Variants in PCDH9 observed in about 807,000 individuals in gnomAD.
PCDH9 encodes the protein protocadherin 9.
In PCDH9, 24 loss-of-function variants were observed where a neutral mutation model predicts 70.6. The observed-to-expected ratio is 0.34, with a 90% CI of 0.25 to 0.48. PCDH9 has a LOEUF of 0.48. Ranked by LOEUF, PCDH9 falls within the 20% of genes least tolerant of loss-of-function variation. The pLI is 0.99. For missense variants in PCDH9, 1,281 were observed against 1,503.6 expected, an observed-to-expected ratio of 0.85 and a Z score of 2.45; for synonymous variants, 562 against 558.5, an observed-to-expected ratio of 1.01 and a Z score of -0.09.
At chr13:66,593,748 T>C (rs2077066581) in intron 4 of PCDH9, among the ~76,000 whole-genome samples, 2 of 151,688 alleles carry the variant, frequency 1.3e-5, no homozygotes, top group East Asian at 1.9e-4. Context: ...AAATATATGT[T>C]TGTATTTGAA....
At chr13:66,356,240 A>G (rs1256844439) in intron 4 of PCDH9, among the ~76,000 whole-genome samples, 3 of 152,200 alleles carry the variant, frequency 2.0e-5, no homozygotes, top group Admixed American at 6.6e-5. Context: ...TTAAAATCAT[A>G]TAAAATGGAA....
chr13:66,481,787 T>C (rs988329014), intron 4 of PCDH9, among the ~76,000 whole-genome samples: 1 of 152,174 alleles, frequency 6.6e-6, no homozygotes, highest in African/African-American at 2.4e-5. Context: ...TAATTGACAA[T>C]TATTTTCTCT....
At chr13:67,117,283 A>G (rs532389303) in intron 2 of PCDH9, among the ~76,000 whole-genome samples, 61 of 152,230 alleles carry the variant, frequency 4.0e-4, no homozygotes, top group African/African-American at 1.5e-3. Context: ...GAGAGTAGGG[A>G]ATTAATTGTG....
intron 3 of PCDH9, among the ~76,000 whole-genome samples, chr13:66,896,553 A>C (rs139684204): frequency 6.9e-4 from 104 of 151,594 alleles, no homozygotes; most frequent in African/African-American, 2.5e-3. Flanking sequence ...GTTATGTATA[A>C]TAATTTCTAT....
chr13:67,058,077 C>T (rs927624230), intron 2 of PCDH9, among the ~76,000 whole-genome samples: 11 of 152,010 alleles, frequency 7.2e-5, no homozygotes, highest in Non-Finnish European at 1.2e-4. Flanking sequence ...AGTTCTTATA[C>T]GTTATATTAT....
intron 2 of PCDH9, among the ~76,000 whole-genome samples, chr13:66,948,306 A>G (rs879305833): frequency 2.0e-5 from 3 of 152,130 alleles, no homozygotes; most frequent in Non-Finnish European, 4.4e-5. Flanking sequence ...GTAGGAATTT[A>G]ATAGATAGCT....
intron 4 of PCDH9, among the ~76,000 whole-genome samples, chr13:66,443,582 C>T (rs977372250): frequency 2.0e-5 from 3 of 151,762 alleles, no homozygotes; most frequent in Non-Finnish European, 4.4e-5. Flanking sequence ...TTTTTCAACT[C>T]TTGAAATGTA....
At chr13:67,110,371 C>CG (rs67060114) in intron 2 of PCDH9, among the ~76,000 whole-genome samples, 18,453 of 151,582 alleles carry the variant, frequency 0.12, 1,198 homozygotes, top group African/African-American at 0.15. Flanking sequence ...AAAAATTAGC[C>CG]GGGGTGGCAG....
intron 3 of PCDH9, among the ~76,000 whole-genome samples, chr13:66,850,842 G>A (rs1287885416): frequency 2.6e-5 from 4 of 152,076 alleles, no homozygotes; most frequent in Admixed American, 2.0e-4. Flanking sequence ...TTGAAAATAC[G>A]CCCAGCTGAT....
Position 67,170,540 on chromosome 13 carries a change from T to A in PCDH9, c.3036+54865A>T, listed in dbSNP as rs914896927. ...AAGGAGATTCTATGAAAGACCATCC[T>A]ATAAGAATTAAACTTTTGCCATATA... On this transcript the variant is annotated intron_variant, in intron 2 of 4. Coordinates refer to ENST00000377865, the MANE Select transcript of PCDH9 (RefSeq NM_203487.3). 7.9e-5 allele frequency among the ~76,000 whole-genome samples: 12 copies of A among 151,688 alleles called. 1 individual carries two copies. The Admixed American group carries it at 8.1e-4, about 10-fold the overall frequency.
intron 4 of PCDH9, among the ~76,000 whole-genome samples, chr13:66,387,485 G>C (rs967511951): frequency 1.3e-5 from 2 of 151,010 alleles, no homozygotes; most frequent in Admixed American, 1.3e-4. Flanking sequence ...GAACGGCTTG[G>C]TGCCATTCTC....
At chr13:66,325,491 T>C (rs954221971) in intron 4 of PCDH9, among the ~76,000 whole-genome samples, 2 of 152,086 alleles carry the variant, frequency 1.3e-5, no homozygotes, top group Admixed American at 1.3e-4. Flanking sequence ...AGAGTTAAAC[T>C]ATGTCAGCCT....
chr13:67,187,569 C>G (rs752276904), intron 2 of PCDH9, among the ~76,000 whole-genome samples: 27 of 152,108 alleles, frequency 1.8e-4, no homozygotes, highest in African/African-American at 2.9e-4. Context: ...ACATTTTATA[C>G]AACTCTATAC....
Position 67,228,484 on chromosome 13 carries a change from G to A in PCDH9, c.-44C>T. ...TTTTCCTGGATTTTAGGGTTTAAAG[G>A]TTTCCACTGAGGAATGATGCACAAA... On this transcript the variant is annotated 5_prime_UTR_variant, in exon 2 of 5. Coordinates refer to ENST00000377865, the MANE Select transcript of PCDH9 (RefSeq NM_203487.3). The A allele has an allele frequency of 1.3e-6, 2 of 1,491,134 alleles. No homozygotes were observed. The highest frequency in any genetic ancestry group is 1.8e-6 in the Non-Finnish European group (2 of 1,111,462). The allele number at this position is 1,491,134 out of a possible 1,614,324, so 92.4% of individuals were successfully genotyped here. A position where few individuals can be genotyped will look rare whatever the true frequency, so the allele number is the denominator to read the frequency against.
At chr13:66,562,736 G>T (rs1026920003) in intron 4 of PCDH9, among the ~76,000 whole-genome samples, 1 of 152,120 alleles carries the variant, frequency 6.6e-6, no homozygotes, top group Non-Finnish European at 1.5e-5. Context: ...CAGCCAAATG[G>T]TATCAATGCC....
At chr13:66,419,744 G>GAGCT (rs1957528846) in intron 4 of PCDH9, among the ~76,000 whole-genome samples, 1 of 150,878 alleles carries the variant, frequency 6.6e-6, no homozygotes, top group Admixed American at 6.6e-5. Flanking sequence ...GGCAGACACT[G>GAGCT]AGCTAGCTAG....
intron 2 of PCDH9, among the ~76,000 whole-genome samples, chr13:67,116,429 T>A (rs993958126): frequency 6.6e-6 from 1 of 152,172 alleles, no homozygotes; most frequent in Non-Finnish European, 1.5e-5. Context: ...TTCAAAATGT[T>A]TATCCAGTCA....
At chr13:66,977,113 A>G (rs1259572051) in intron 2 of PCDH9, among the ~76,000 whole-genome samples, 2 of 152,102 alleles carry the variant, frequency 1.3e-5, no homozygotes, top group South Asian at 2.1e-4. Context: ...CTGTTAATAG[A>G]TTATCTTTAT....
intron 4 of PCDH9, among the ~76,000 whole-genome samples, chr13:66,469,461 G>A (rs114000149): frequency 0.022 from 3,161 of 146,980 alleles, 109 homozygotes; most frequent in African/African-American, 0.073. Flanking sequence ...CAAAAGGAAG[G>A]GAGGGAGGGG....
Sources: gnomAD v4.1 joint callset for allele counts (sites outside exome capture counted in the v4.1 genomes callset) on GRCh38, gnomAD v4.1.1 for gene constraint, MANE v1.5 for transcripts, NCBI Gene and HGNC (gene_info 2026-07-23, HGNC 2026-07-21) for gene names.